ZMAT4: variants seen among roughly 807,000 people sequenced by gnomAD.
The protein encoded by ZMAT4 is zinc finger matrin-type 4.
ZMAT4 carries 17 observed loss-of-function variants against 28.7 expected under a neutral mutation model. That is an observed-to-expected ratio of 0.59 (90% CI 0.41 to 0.89). ZMAT4 has a LOEUF of 0.89. Among genes scored for constraint, ZMAT4 ranks in the 40% least tolerant of loss-of-function variants. ZMAT4 has a pLI of 0.00. For synonymous variants in ZMAT4, 117 were observed against 109.2 expected (o/e 1.07, Z -0.44); for missense variants, 240 against 283.8 (o/e 0.85, Z 1.11).
At chr8:40,740,989 TGC>T (rs1195733328) in intron 3 of ZMAT4, among the ~76,000 whole-genome samples, 6 of 98,370 alleles carry the variant, frequency 6.1e-5, no homozygotes, top group South Asian at 3.6e-4. Context: ...CTTTGATAAA[TGC>T]GCACACACAC....
intron 2 of ZMAT4, among the ~76,000 whole-genome samples, chr8:40,813,267 C>T (rs1815400845): frequency 6.6e-6 from 1 of 152,096 alleles, no homozygotes; most frequent in South Asian, 2.1e-4. Flanking sequence ...ATTAGTTGCC[C>T]ATGAGGGCAT....
chr8:40,707,216 C>A lies in ZMAT4; in HGVS notation c.193-9815G>T, dbSNP rs561981760. On this transcript the variant is annotated intron_variant, in intron 3 of 6. Coordinates refer to ENST00000297737, the MANE Select transcript of ZMAT4 (RefSeq NM_024645.3). Reference sequence around the variant, plus strand: ...CCCACAGAACTTCCTTCAGGCCTGCCCCCCCACCCCCCCACCCCCATCTGA... The same window carrying A: ...CCCACAGAACTTCCTTCAGGCCTGCACCCCCACCCCCCCACCCCCATCTGA... Among the ~76,000 whole-genome samples, 271 of 96,830 alleles carry A rather than the reference C, an allele frequency of 2.8e-3. 3 individuals are homozygous for A. Among genetic ancestry groups the A allele is most frequent in the African/African-American group, 9.0e-3 (259 of 28,718 alleles). 63.5% of individuals were successfully genotyped at this position (96,830 alleles called of 152,430 possible). A position where few individuals can be genotyped will look rare whatever the true frequency, so the allele number is the denominator to read the frequency against.
intron 6 of ZMAT4, among the ~76,000 whole-genome samples, chr8:40,538,864 C>CA (rs757339373): frequency 6.6e-6 from 1 of 152,140 alleles, no homozygotes; most frequent in East Asian, 1.9e-4. Flanking sequence ...CAGCTCACTG[C>CA]AACCTCTGCC....
At chr8:40,861,495 A>T (rs1232944825) in intron 1 of ZMAT4, among the ~76,000 whole-genome samples, 1 of 152,244 alleles carries the variant, frequency 6.6e-6, no homozygotes, top group Non-Finnish European at 1.5e-5. Flanking sequence ...AGGCAGTACC[A>T]TTCAGGACAT....
intron 5 of ZMAT4, among the ~76,000 whole-genome samples, chr8:40,595,886 C>A (rs761802968): frequency 2.0e-5 from 3 of 152,048 alleles, no homozygotes; most frequent in Non-Finnish European, 1.5e-5. Flanking sequence ...GAGTTCAAGA[C>A]CAGCCTGGTC....
At chr8:40,654,162 A>G (rs1807812562) in intron 5 of ZMAT4, among the ~76,000 whole-genome samples, 1 of 152,192 alleles carries the variant, frequency 6.6e-6, no homozygotes, top group Admixed American at 6.5e-5. Context: ...TCTTGTAGCT[A>G]TAAAAGATGC....
intron 5 of ZMAT4, among the ~76,000 whole-genome samples, chr8:40,593,707 G>A (rs766481617): frequency 1.1e-4 from 17 of 152,196 alleles, no homozygotes; most frequent in Non-Finnish European, 1.6e-4. Flanking sequence ...ACGTTGAGTC[G>A]TTAAAAGAAG....
chr8:40,739,683 G>T (rs893193458), intron 3 of ZMAT4, among the ~76,000 whole-genome samples: 1 of 152,178 alleles, frequency 6.6e-6, no homozygotes, highest in Non-Finnish European at 1.5e-5. Context: ...GAACGTGCAG[G>T]TTTGTTACAT....
chr8:40,824,360 G>A (rs950865908), intron 2 of ZMAT4, among the ~76,000 whole-genome samples: 55 of 152,308 alleles, frequency 3.6e-4, no homozygotes, highest in African/African-American at 1.3e-3. Flanking sequence ...TGGGAGGATC[G>A]CTTGAGCCCA....
chr8:40,697,457 A>G (rs1289498277), intron 3 of ZMAT4, 56 bp from the exon 4 acceptor site: 1 of 1,427,534 alleles, frequency 7.0e-7, no homozygotes, highest in Non-Finnish European at 9.3e-7. Context: ...ATTCTTTTAC[A>G]AATGAGACTT....
chr8:40,598,321 C>T (rs927510561), intron 5 of ZMAT4, among the ~76,000 whole-genome samples: 4 of 152,080 alleles, frequency 2.6e-5, no homozygotes, highest in Non-Finnish European at 5.9e-5. Context: ...AGGTTTAAGC[C>T]CCACATGCAT....
intron 5 of ZMAT4, among the ~76,000 whole-genome samples, chr8:40,647,572 C>A (rs1221471283): frequency 1.3e-5 from 2 of 152,282 alleles, no homozygotes; most frequent in East Asian, 3.9e-4. Flanking sequence ...GTGGAGCCCA[C>A]CACAGCTCAA....
intron 2 of ZMAT4, among the ~76,000 whole-genome samples, chr8:40,788,649 A>G (rs1412864560): frequency 6.6e-6 from 1 of 152,120 alleles, no homozygotes; most frequent in Admixed American, 6.6e-5. Context: ...TCTACCAAAC[A>G]TTAACAAAAA....
chr8:40,862,912 A>G (rs1817555539), intron 1 of ZMAT4, among the ~76,000 whole-genome samples: 1 of 152,074 alleles, frequency 6.6e-6, no homozygotes. Flanking sequence ...TGGCACATGT[A>G]TACATATGTA....
At chr8:40,580,783 A>G (rs1804439518) in intron 6 of ZMAT4, among the ~76,000 whole-genome samples, 1 of 152,216 alleles carries the variant, frequency 6.6e-6, no homozygotes, top group Non-Finnish European at 1.5e-5. Flanking sequence ...TTATGTTTCT[A>G]TAATAATCAA....
intron 5 of ZMAT4, among the ~76,000 whole-genome samples, chr8:40,651,657 A>G (rs1807657986): frequency 6.6e-6 from 1 of 151,490 alleles, no homozygotes; most frequent in Non-Finnish European, 1.5e-5. Flanking sequence ...TGGAGGCATC[A>G]CACTACCTGA....
At chr8:40,831,819 C>A (rs1816291318) in intron 1 of ZMAT4, among the ~76,000 whole-genome samples, 1 of 152,164 alleles carries the variant, frequency 6.6e-6, no homozygotes, top group Non-Finnish European at 1.5e-5. Flanking sequence ...TAACAATGAT[C>A]CCAACAGGAC....
chr8:40,594,925 A>G (rs1421597756), intron 5 of ZMAT4, among the ~76,000 whole-genome samples: 1 of 152,166 alleles, frequency 6.6e-6, no homozygotes, highest in Non-Finnish European at 1.5e-5. Context: ...ATTTTTTGAA[A>G]ACATGGAAGA....
At chr8:40,739,630 G>A (rs748459134) in intron 3 of ZMAT4, among the ~76,000 whole-genome samples, 2 of 152,108 alleles carry the variant, frequency 1.3e-5, no homozygotes, top group Non-Finnish European at 2.9e-5. Flanking sequence ...CAGGGTTTTT[G>A]TTTGTTTGTT....
Sources: allele counts gnomAD v4.1 joint callset (sites outside exome capture counted in the v4.1 genomes callset), GRCh38; gene constraint gnomAD v4.1.1; transcripts MANE v1.5; gene names NCBI Gene and HGNC (gene_info 2026-07-23, HGNC 2026-07-21).